CDH12: variants seen among roughly 807,000 people sequenced by gnomAD.
CDH12 encodes cadherin 12.
A neutral mutation model predicts 74.1 loss-of-function variants in CDH12; 41 were observed. The observed-to-expected ratio is 0.55, with a 90% confidence interval of 0.43 to 0.72. The LOEUF is 0.72. CDH12 is among the 30% of genes least tolerant of loss of function. The pLI, the probability that CDH12 is intolerant of heterozygous loss-of-function variation, is 0.00. For synonymous variants in CDH12, 399 were observed against 355.0 expected, an observed-to-expected ratio of 1.12 and a Z score of -1.39; for missense variants, 945 against 977.2, an observed-to-expected ratio of 0.97 and a Z score of 0.44.
At chr5:22,770,402 T>A (rs901575585) in intron 1 of CDH12, among the ~76,000 whole-genome samples, 1 of 152,102 alleles carries the variant, frequency 6.6e-6, no homozygotes, top group Admixed American at 6.6e-5. Context: ...TAATTGAGAA[T>A]CTATATATTT....
intron 1 of CDH12, among the ~76,000 whole-genome samples, chr5:22,562,655 C>T (rs1032918243): frequency 4.0e-5 from 6 of 151,272 alleles, no homozygotes; most frequent in Admixed American, 3.9e-4. Context: ...TTTACTTTAT[C>T]AACAGAAGGA....
At chr5:22,761,912 T>G (rs912616346) in intron 1 of CDH12, among the ~76,000 whole-genome samples, 1 of 150,140 alleles carries the variant, frequency 6.7e-6, no homozygotes, top group African/African-American at 2.5e-5. Context: ...CTACAAAATT[T>G]CAGTTTGTAA....
At chr5:22,277,893 T>C in intron 3 of CDH12, 1 of 154,534 alleles carries the variant, frequency 6.5e-6, no homozygotes. Context: ...CTTGCTGCAA[T>C]GTGGGAAGCC....
chr5:22,735,041 G>A (rs2127008762), intron 1 of CDH12, among the ~76,000 whole-genome samples: 1 of 151,896 alleles, frequency 6.6e-6, no homozygotes, highest in Admixed American at 6.6e-5. Context: ...ATGGACTTTA[G>A]GTCAGTTACA....
chr5:22,186,712 GC>G (rs1349130477), intron 4 of CDH12, among the ~76,000 whole-genome samples: 15 of 152,176 alleles, frequency 9.9e-5, no homozygotes, highest in African/African-American at 3.4e-4. Context: ...CTCAAGTGAT[GC>G]CCCCGCCTTG....
chr5:22,153,858 G>GTGTGTA (rs1747787347), intron 4 of CDH12, among the ~76,000 whole-genome samples: 2 of 103,262 alleles, frequency 1.9e-5, no homozygotes, highest in African/African-American at 7.9e-5. Context: ...ATGTGTGTGT[G>GTGTGTA]TATATATATA....
In CDH12 at chr5:22,091,158, G is replaced by T. The variant is rs10045803; in HGVS notation, c.-186-12296C>A. Among the ~76,000 whole-genome samples, 883 of 148,440 alleles carry T rather than the reference G, an allele frequency of 5.9e-3. 7 individuals are homozygous for T. The highest frequency in any genetic ancestry group is 0.019 in the African/African-American group (751 of 40,406). ...ATTTGTCTCAACTTGCAGATGACAT[G>T]ATCTTTTATATTAAATATCCTAAAG... On this transcript the variant is annotated intron_variant, in intron 4 of 14. Coordinates refer to ENST00000382254, the MANE Select transcript of CDH12 (RefSeq NM_004061.5).
intron 1 of CDH12, among the ~76,000 whole-genome samples, chr5:22,633,353 A>G (rs1213723289): frequency 6.6e-6 from 1 of 152,148 alleles, no homozygotes; most frequent in Non-Finnish European, 1.5e-5. Flanking sequence ...TCTTGTTTAT[A>G]TATCTTTTCT....
intron 3 of CDH12, among the ~76,000 whole-genome samples, chr5:22,236,039 G>A (rs987803957): frequency 6.6e-5 from 10 of 152,154 alleles, no homozygotes; most frequent in Admixed American, 1.3e-4. Flanking sequence ...AAAAGGTACC[G>A]TAAAAATGCA....
chr5:22,411,237 G>C lies in CDH12; in HGVS notation c.-427-5886C>G, dbSNP rs182860135. Among the ~76,000 whole-genome samples the C allele has an allele frequency of 5.2e-3, 783 of 151,894 alleles. 10 individuals carry two copies. Among genetic ancestry groups the C allele is most frequent in the African/African-American group, 0.018 (756 of 41,458 alleles). On this transcript the variant is annotated intron_variant, in intron 2 of 14. Coordinates refer to ENST00000382254, the MANE Select transcript of CDH12 (RefSeq NM_004061.5). ...GAAATGTATTACATAGTATAAAACT[G>C]CATATTAATAAATTCTATATACCAA...
chr5:21,870,743 T>C (rs1046772588), intron 6 of CDH12, among the ~76,000 whole-genome samples: 2 of 152,208 alleles, frequency 1.3e-5, no homozygotes, highest in Non-Finnish European at 2.9e-5. Flanking sequence ...AGTGTGTTTT[T>C]GTTTTTGATA....
At chr5:22,838,754 A>G (rs1736952204) in intron 1 of CDH12, among the ~76,000 whole-genome samples, 1 of 151,336 alleles carries the variant, frequency 6.6e-6, no homozygotes, top group Non-Finnish European at 1.5e-5. Flanking sequence ...GGCTCACTAC[A>G]ACCTCTGCCT....
chr5:22,684,953 G>A (rs571666446), intron 1 of CDH12, among the ~76,000 whole-genome samples: 1 of 151,954 alleles, frequency 6.6e-6, no homozygotes, highest in Non-Finnish European at 1.5e-5. Flanking sequence ...TCCTCCAATA[G>A]GCTCAGAAAG....
chr5:21,858,023 C>CTT (rs11292471), intron 6 of CDH12, among the ~76,000 whole-genome samples: 8 of 147,612 alleles, frequency 5.4e-5, no homozygotes, highest in South Asian at 4.3e-4. Flanking sequence ...TTGTATCTCC[C>CTT]TTTTTTTTTT....
chr5:21,889,901 C>A (rs1445878571), intron 6 of CDH12: 3 of 961,622 alleles, frequency 3.1e-6, no homozygotes, highest in African/African-American at 3.5e-5. Flanking sequence ...TTACCCCACA[C>A]TGGCAATGTT....
At chr5:22,268,634 A>G (rs1455610048) in intron 3 of CDH12, among the ~76,000 whole-genome samples, 1 of 152,156 alleles carries the variant, frequency 6.6e-6, no homozygotes, top group Non-Finnish European at 1.5e-5. Flanking sequence ...CATAGCTAAC[A>G]TAGTTTGATG....
chr5:22,604,029 G>A (rs1469536967), intron 1 of CDH12, among the ~76,000 whole-genome samples: 1 of 152,130 alleles, frequency 6.6e-6, no homozygotes, highest in African/African-American at 2.4e-5. Flanking sequence ...ACAGGTGGAG[G>A]GTCTGGTCTC....
chr5:22,302,952 A>T (rs1737955276), intron 3 of CDH12, among the ~76,000 whole-genome samples: 1 of 152,120 alleles, frequency 6.6e-6, no homozygotes, highest in Non-Finnish European at 1.5e-5. Context: ...CTGGATGATA[A>T]ATGTTGAAAT....
chr5:21,817,015 C>A lies in CDH12; in HGVS notation c.932G>T (p.Gly311Val). The A allele has an allele frequency of 1.2e-6, 2 of 1,612,790 alleles. No homozygotes were observed. Among genetic ancestry groups the A allele is most frequent in the Non-Finnish European group, 1.7e-6 (2 of 1,179,218 alleles). The change falls in exon 9 of 15, where the codon GGA becomes GTA. Residue 311 changes from glycine (G) to valine (V), a missense_variant. Physicochemically the swap from Gly to Val is moderately radical, Grantham distance 109. Transcript: ENST00000382254. ...GATGTCAAACAAATTTCCCCCATCTCCTGGAACAATATTGTATTCAATTTC... is the reference window on the plus strand; with the variant it reads ...GATGTCAAACAAATTTCCCCCATCTACTGGAACAATATTGTATTCAATTTC... ...NAEIEYNIVP[G>V]DGGNLFDIVT... is the part of the protein sequence containing the mutation.
Sources: allele counts gnomAD v4.1 joint callset (sites outside exome capture counted in the v4.1 genomes callset), GRCh38; gene constraint gnomAD v4.1.1; transcripts MANE v1.5; gene names NCBI Gene and HGNC (gene_info 2026-07-23, HGNC 2026-07-21).